SRPK2: variants seen among roughly 807,000 people sequenced by gnomAD.
SRPK2 encodes SFRS protein kinase 2.
Under a neutral mutation model 90.8 loss-of-function variants are expected in SRPK2, and 21 were observed. That is an observed-to-expected ratio of 0.23 (90% CI 0.16 to 0.33). The LOEUF (loss-of-function observed/expected upper bound fraction) is 0.33. SRPK2 is among the 10% of genes least tolerant of loss of function. The pLI is 1.00. For synonymous variants in SRPK2, 288 were observed against 311.1 expected, an observed-to-expected ratio of 0.93 and a Z score of 0.78; for missense variants, 620 against 869.0, an observed-to-expected ratio of 0.71 and a Z score of 3.60.
intron 15 of SRPK2, among the ~76,000 whole-genome samples, chr7:105,122,092 A>C (rs1800466068): frequency 6.6e-6 from 1 of 152,194 alleles, no homozygotes; most frequent in African/African-American, 2.4e-5. Context: ...TAGACAACCA[A>C]ATGTAGGTAA....
At chr7:105,197,875 T>C (rs1218711638) in intron 3 of SRPK2, among the ~76,000 whole-genome samples, 1 of 152,220 alleles carries the variant, frequency 6.6e-6, no homozygotes, top group African/African-American at 2.4e-5. Context: ...TGCCAACTTA[T>C]CTAAGAATGA....
chr7:105,145,214 T>A (rs1225744122), intron 9 of SRPK2, 69 bp downstream of exon 9: 2 of 1,277,192 alleles, frequency 1.6e-6, no homozygotes, highest in East Asian at 5.4e-5. Context: ...TTTTTATAAT[T>A]TGAACAACTC....
chr7:105,294,882 AAT>A (rs781219022), intron 2 of SRPK2, among the ~76,000 whole-genome samples: 4 of 152,092 alleles, frequency 2.6e-5, no homozygotes, highest in Non-Finnish European at 4.4e-5. Flanking sequence ...CTTCTCTAAT[AAT>A]ATGTCTTTTG....
At chr7:105,246,851 A>G (rs1262049646) in intron 2 of SRPK2, among the ~76,000 whole-genome samples, 1 of 152,232 alleles carries the variant, frequency 6.6e-6, no homozygotes, top group Non-Finnish European at 1.5e-5. Context: ...CTGAACTGTC[A>G]GAGAGAAATG....
intron 2 of SRPK2, among the ~76,000 whole-genome samples, chr7:105,248,478 C>T: frequency 6.7e-6 from 1 of 149,352 alleles, no homozygotes; most frequent in Admixed American, 6.7e-5. Context: ...GTGGTGTGCA[C>T]CTATAGTCTC....
At chr7:105,149,339 C>T (rs1040458706) in intron 7 of SRPK2, among the ~76,000 whole-genome samples, 23 of 152,276 alleles carry the variant, frequency 1.5e-4, no homozygotes, top group African/African-American at 3.4e-4. Flanking sequence ...ATCTGGTGTA[C>T]GTGCACGTCC....
At chr7:105,240,872 T>C (rs1800725143) in intron 2 of SRPK2, among the ~76,000 whole-genome samples, 1 of 152,224 alleles carries the variant, frequency 6.6e-6, no homozygotes. Context: ...TGCTAAATAT[T>C]TATAAAGTAA....
chr7:105,295,246 A>G (rs1646359707), intron 2 of SRPK2, among the ~76,000 whole-genome samples: 1 of 151,666 alleles, frequency 6.6e-6, no homozygotes, highest in African/African-American at 2.4e-5. Flanking sequence ...TATTTTATTA[A>G]TATTTAATAT....
At chr7:105,148,438 ATAAT>A (rs1804993567) in intron 7 of SRPK2, among the ~76,000 whole-genome samples, 1 of 152,254 alleles carries the variant, frequency 6.6e-6, no homozygotes, top group South Asian at 2.1e-4. Flanking sequence ...GTGTTTTTCT[ATAAT>A]TATTTCCACT....
intron 3 of SRPK2, among the ~76,000 whole-genome samples, chr7:105,185,830 G>C (rs1793506602): frequency 6.6e-6 from 1 of 152,086 alleles, no homozygotes; most frequent in African/African-American, 2.4e-5. Context: ...CCTTTGTTAG[G>C]CACCCAACAT....
intron 3 of SRPK2, among the ~76,000 whole-genome samples, chr7:105,176,068 C>T (rs1014144861): frequency 6.6e-6 from 1 of 152,106 alleles, no homozygotes; most frequent in African/African-American, 2.4e-5. Context: ...TGGATACAAA[C>T]GTTCCAGACA....
intron 2 of SRPK2, among the ~76,000 whole-genome samples, chr7:105,382,208 A>G (rs1821027899): frequency 6.6e-6 from 1 of 151,378 alleles, no homozygotes; most frequent in Non-Finnish European, 1.5e-5. Context: ...GATATCCTTT[A>G]GCCTGTGAAT....
chr7:105,317,985 A>G (rs945429655), intron 2 of SRPK2, among the ~76,000 whole-genome samples: 6 of 152,096 alleles, frequency 3.9e-5, no homozygotes, highest in Non-Finnish European at 7.4e-5. Context: ...TCCTAAACTC[A>G]AGCAATCCAC....
intron 8 of SRPK2, among the ~76,000 whole-genome samples, chr7:105,146,047 C>T (rs1804578916): frequency 6.6e-6 from 1 of 152,210 alleles, no homozygotes; most frequent in Non-Finnish European, 1.5e-5. Flanking sequence ...ATCTTCTTCC[C>T]CCACCATCAG....
chr7:105,379,410 T>C (rs1387048172), intron 2 of SRPK2, among the ~76,000 whole-genome samples: 2 of 152,092 alleles, frequency 1.3e-5, no homozygotes, highest in African/African-American at 4.8e-5. Context: ...CCTCAGACTT[T>C]GTTATTTGAG....
chr7:105,234,078 C>T lies in SRPK2; in HGVS notation c.72-30293G>A, dbSNP rs546107196. Reference sequence around the variant, plus strand: ...CCCAATTAAATTTTTTTATGACTTACATAAAATTTAGATCCCTGTTTTAAA... The same window carrying T: ...CCCAATTAAATTTTTTTATGACTTATATAAAATTTAGATCCCTGTTTTAAA... On this transcript the variant is annotated intron_variant, in intron 2 of 15. Transcript: ENST00000393651. Among the ~76,000 whole-genome samples the T allele has an allele frequency of 4.4e-3, 668 of 151,972 alleles. 5 individuals carry two copies. The highest frequency in any genetic ancestry group is 0.015 in the African/African-American group (636 of 41,484).
intron 5 of SRPK2, 115 bp from the exon 6 acceptor site, chr7:105,167,579 C>T (rs1790238479): frequency 1.8e-6 from 1 of 550,542 alleles, no homozygotes. Flanking sequence ...AAATTCATCA[C>T]AAAGTTATAA....
chr7:105,121,310 A>G (rs1449140343), intron 15 of SRPK2, among the ~76,000 whole-genome samples: 1 of 151,482 alleles, frequency 6.6e-6, no homozygotes, highest in East Asian at 1.9e-4. Context: ...GCATCACTAC[A>G]CTCCAGCCTA....
chr7:105,363,294 T>C (rs1818646672), intron 2 of SRPK2, among the ~76,000 whole-genome samples: 1 of 152,228 alleles, frequency 6.6e-6, no homozygotes, highest in African/African-American at 2.4e-5. Flanking sequence ...AAAGGGCTAA[T>C]ATCCAGAATC....
Sources: allele counts gnomAD v4.1 joint callset (sites outside exome capture counted in the v4.1 genomes callset), GRCh38; gene constraint gnomAD v4.1.1; transcripts MANE v1.5; gene names NCBI Gene and HGNC (gene_info 2026-07-23, HGNC 2026-07-21).